The following ESRRG variants were observed in gnomAD, a reference collection of about 807,000 sequenced individuals.
ESRRG encodes estrogen related receptor gamma.
In ESRRG, 13 loss-of-function variants were observed where a neutral mutation model predicts 44.0. That is an observed-to-expected ratio of 0.30 (90% confidence interval 0.19 to 0.47). The LOEUF (loss-of-function observed/expected upper bound fraction) is 0.47. Ranked by LOEUF, ESRRG falls within the 20% of genes least tolerant of loss-of-function variation. The pLI is 1.00. For missense variants in ESRRG, 395 were observed against 580.6 expected, an observed-to-expected ratio of 0.68 and a Z score of 3.29; for synonymous variants, 215 against 214.6, an observed-to-expected ratio of 1.00 and a Z score of -0.02.
chr1:216,912,186 G>GA (rs1560083472), intron 2 of ESRRG, among the ~76,000 whole-genome samples: 157 of 12,746 alleles, frequency 0.012, 13 homozygotes, highest in Middle Eastern at 0.083. Flanking sequence ...AAAAGAAAAG[G>GA]AGAGGAGAGG....
chr1:216,935,498 T>C (rs1365584048), intron 2 of ESRRG, among the ~76,000 whole-genome samples: 5 of 152,074 alleles, frequency 3.3e-5, no homozygotes, highest in Non-Finnish European at 2.9e-5. Context: ...TAGGGCAAGG[T>C]ATATGGGAAG....
At chr1:217,097,345 G>T (rs2092439126) in intron 1 of ESRRG, among the ~76,000 whole-genome samples, 1 of 152,132 alleles carries the variant, frequency 6.6e-6, no homozygotes, top group Non-Finnish European at 1.5e-5. Flanking sequence ...TTACTCTTAT[G>T]TGTACAGTTC....
At chr1:216,905,248 C>A (rs1465396250) in intron 2 of ESRRG, among the ~76,000 whole-genome samples, 1 of 152,142 alleles carries the variant, frequency 6.6e-6, no homozygotes, top group Non-Finnish European at 1.5e-5. Flanking sequence ...CTCAGCTTAC[C>A]TGCCAGCCTC....
At chr1:216,693,448 T>C (rs1359276456) in intron 1 of ESRRG, among the ~76,000 whole-genome samples, 1 of 152,186 alleles carries the variant, frequency 6.6e-6, no homozygotes, top group Non-Finnish European at 1.5e-5. Context: ...TCCTTTTTAA[T>C]GTGCAGTTGT....
At chr1:216,514,162 T>C (rs1284180569) in intron 6 of ESRRG, among the ~76,000 whole-genome samples, 2 of 152,124 alleles carry the variant, frequency 1.3e-5, no homozygotes, top group Non-Finnish European at 2.9e-5. Context: ...CTTTTATGTT[T>C]TTTACCTAAA....
rs571499742 is a variant in ESRRG at position 216,642,068 on chromosome 1, T to A, written c.589+8905A>T. Among the ~76,000 whole-genome samples the A allele has an allele frequency of 2.0e-5, 3 of 152,300 alleles. No individual in the cohort carries two copies. In the East Asian group the frequency reaches 5.8e-4, roughly 29 times the overall value. On this transcript the variant is annotated intron_variant, in intron 3 of 6. Transcript: ENST00000408911. ...TCTGAAGAATCCCAAGCCAAATACA[T>A]ACATGAATATTTCTGATGTTCCCAA...
At chr1:216,942,021 T>C (rs1189556127) in intron 1 of ESRRG, among the ~76,000 whole-genome samples, 1 of 152,172 alleles carries the variant, frequency 6.6e-6, no homozygotes, top group African/African-American at 2.4e-5. Flanking sequence ...ACCCAAACAG[T>C]GAACATAGTA....
At chr1:216,698,836 T>G (rs2789725) in intron 1 of ESRRG, among the ~76,000 whole-genome samples, 128,207 of 152,124 alleles carry the variant, frequency 0.84, 54,036 homozygotes, top group Admixed American at 0.87. Context: ...GTGCCTCAGG[T>G]AACTGAGCTT....
At chr1:216,822,472 C>T (rs750725183) in intron 2 of ESRRG, among the ~76,000 whole-genome samples, 5 of 152,104 alleles carry the variant, frequency 3.3e-5, no homozygotes, top group Non-Finnish European at 5.9e-5. Context: ...TACTTCTTAA[C>T]AAAAATGCTC....
rs1318754171 is a variant in ESRRG, at chr1:217,045,710, G to GT, written c.-106+43796dup. 8.6e-5 allele frequency among the ~76,000 whole-genome samples: 13 copies of GT among 151,588 alleles called. No individual in the cohort carries two copies. The South Asian group carries it at 1.3e-3, about 15-fold the overall frequency. On this transcript the variant is annotated intron_variant, in intron 1 of 7. Coordinates refer to the ESRRG transcript ENST00000359162. ...TTTCCTAGATACGACGGCAGTTGTCGTTTTTTTTTCATTTGATCAGGGAAT... is the reference window on the plus strand; with the variant it reads ...TTTCCTAGATACGACGGCAGTTGTCGTTTTTTTTTTCATTTGATCAGGGAAT...
chr1:216,886,788 A>G (rs1390497154), intron 2 of ESRRG, among the ~76,000 whole-genome samples: 2 of 152,024 alleles, frequency 1.3e-5, no homozygotes, highest in East Asian at 3.9e-4. Flanking sequence ...GAGTGGCATG[A>G]TCTCTTCTCA....
chr1:216,658,123 T>C (rs1439507896), intron 2 of ESRRG, among the ~76,000 whole-genome samples: 1 of 152,142 alleles, frequency 6.6e-6, no homozygotes, highest in Non-Finnish European at 1.5e-5. Context: ...TCCTACAGTG[T>C]CCTGTGTTTG....
intron 1 of ESRRG, among the ~76,000 whole-genome samples, chr1:216,944,269 T>A (rs1384545937): frequency 1.3e-5 from 2 of 152,176 alleles, no homozygotes; most frequent in Admixed American, 6.5e-5. Flanking sequence ...GGACAAAATA[T>A]TTTTAAAATA....
chr1:216,630,999 AG>A (rs1323575623), intron 3 of ESRRG, among the ~76,000 whole-genome samples: 1 of 152,048 alleles, frequency 6.6e-6, no homozygotes, highest in Non-Finnish European at 1.5e-5. Context: ...ACATAAATTT[AG>A]ATTTGTCAGT....
At chr1:217,041,589 T>C (rs1404538531) in intron 1 of ESRRG, among the ~76,000 whole-genome samples, 1 of 152,180 alleles carries the variant, frequency 6.6e-6, no homozygotes, top group Non-Finnish European at 1.5e-5. Flanking sequence ...TTCCATCTTT[T>C]GCTTCTCTGG....
At chr1:216,895,256 A>G (rs2149437134) in intron 2 of ESRRG, among the ~76,000 whole-genome samples, 1 of 152,272 alleles carries the variant, frequency 6.6e-6, no homozygotes, top group Non-Finnish European at 1.5e-5. Flanking sequence ...TGTGAGGAAA[A>G]TTACTTAGAA....
At chr1:216,563,313 C>A (rs780663050) in intron 5 of ESRRG, among the ~76,000 whole-genome samples, 1 of 152,152 alleles carries the variant, frequency 6.6e-6, no homozygotes, top group Non-Finnish European at 1.5e-5. Context: ...AGCTTCACTG[C>A]GATATCGCCT....
chr1:216,566,371 T>C (rs2059685383), intron 4 of ESRRG, among the ~76,000 whole-genome samples: 1 of 152,158 alleles, frequency 6.6e-6, no homozygotes, highest in Non-Finnish European at 1.5e-5. Context: ...AGATAATGAG[T>C]AATGATTTAT....
intron 1 of ESRRG, among the ~76,000 whole-genome samples, chr1:216,950,625 G>A (rs566337333): frequency 4.6e-5 from 7 of 152,272 alleles, no homozygotes; most frequent in African/African-American, 1.7e-4. Context: ...TAAAGACCTA[G>A]GTTGAGTGCA....
Sources: gnomAD v4.1 joint callset for allele counts (sites outside exome capture counted in the v4.1 genomes callset) on GRCh38, gnomAD v4.1.1 for gene constraint, MANE v1.5 for transcripts, NCBI Gene and HGNC (gene_info 2026-07-23, HGNC 2026-07-21) for gene names.